DCC: variants seen among roughly 807,000 people sequenced by gnomAD.
DCC encodes the protein netrin receptor DCC.
DCC carries 58 observed loss-of-function variants against 172.5 expected under a neutral mutation model. The observed-to-expected ratio is 0.34, with a 90% confidence interval of 0.27 to 0.42. DCC has a LOEUF of 0.42. Ranked by LOEUF, DCC falls within the 10% of genes least tolerant of loss-of-function variation. DCC has a pLI of 1.00. For missense variants in DCC, 1,740 were observed against 1,791.0 expected, an observed-to-expected ratio of 0.97 and a Z score of 0.51; for synonymous variants, 709 against 644.5, an observed-to-expected ratio of 1.10 and a Z score of -1.52.
chr18:53,072,314 C>A (rs912774417), intron 7 of DCC, among the ~76,000 whole-genome samples: 3 of 151,898 alleles, frequency 2.0e-5, no homozygotes, highest in Admixed American at 1.3e-4. Context: ...AATTAAGGAC[C>A]CTGTTTGGTA....
chr18:52,354,083 G>A (rs1984251740), intron 1 of DCC, among the ~76,000 whole-genome samples: 1 of 152,204 alleles, frequency 6.6e-6, no homozygotes, highest in Non-Finnish European at 1.5e-5. Context: ...GCAAGAAATA[G>A]GAGAAAGAGA....
At chr18:53,240,026 T>TAAAAAAAAAAAAAAAACAAAAAAA (rs2056265695) in intron 12 of DCC, among the ~76,000 whole-genome samples, 1 of 69,072 alleles carries the variant, frequency 1.4e-5, no homozygotes, top group African/African-American at 4.7e-5. Context: ...GTTCTAGAGT[T>TAAAAAAAAAAAAAAAACAAAAAAA]AAAAAAAAAA....
chr18:53,121,285 T>A (rs1451630878), intron 7 of DCC, among the ~76,000 whole-genome samples: 1 of 151,902 alleles, frequency 6.6e-6, no homozygotes, highest in East Asian at 1.9e-4. Context: ...TTGTAACCAC[T>A]CTGAAATACA....
At chr18:52,677,492 T>C (rs147548390) in intron 1 of DCC, among the ~76,000 whole-genome samples, 2 of 152,038 alleles carry the variant, frequency 1.3e-5, no homozygotes, top group East Asian at 3.9e-4. Context: ...TTTTTATATA[T>C]ATTTTTTATT....
At chr18:53,074,974 G>A (rs1345771228) in intron 7 of DCC, among the ~76,000 whole-genome samples, 1 of 152,182 alleles carries the variant, frequency 6.6e-6, no homozygotes, top group East Asian at 1.9e-4. Flanking sequence ...TTTGTGGGCT[G>A]TAAATTGCCA....
chr18:53,152,580 A>G (rs1315330515), intron 7 of DCC, among the ~76,000 whole-genome samples: 1 of 91,526 alleles, frequency 1.1e-5, no homozygotes, highest in Non-Finnish European at 2.1e-5. Context: ...GATGTTCTTA[A>G]AAGAAAAAAA....
chr18:53,300,994 T>TTCTTTCTTTCTTTCTTTCTTTCTTTTC lies in DCC; in HGVS notation c.1912-4583_1912-4582insCTTTCTTTCTTTCTTTCTTTCTTTTCT. The stretch of plus-strand genomic sequence containing the variant: ...CTTTCTTTCTTTCTTTCTTTCTTTT[T>TTCTTTCTTTCTTTCTTTCTTTCTTTTC]TTTTCTTTTCTTTCTTTTCACTCTT... On this transcript the variant is annotated intron_variant, in intron 12 of 28. Coordinates refer to ENST00000442544, the MANE Select transcript of DCC (RefSeq NM_005215.4). Among the ~76,000 whole-genome samples the TTCTTTCTTTCTTTCTTTCTTTCTTTTC allele has an allele frequency of 7.3e-3, 982 of 134,650 alleles. 69 individuals carry two copies. Among genetic ancestry groups the TTCTTTCTTTCTTTCTTTCTTTCTTTTC allele is most frequent in the African/African-American group, 0.027 (926 of 34,824 alleles). 88.3% of individuals were successfully genotyped at this position (134,650 alleles called of 152,430 possible). A position where few individuals can be genotyped will look rare whatever the true frequency, so the allele number is the denominator to read the frequency against.
intron 1 of DCC, among the ~76,000 whole-genome samples, chr18:52,728,088 G>A (rs533682586): frequency 5.3e-5 from 8 of 152,008 alleles, no homozygotes; most frequent in Non-Finnish European, 1.2e-4. Flanking sequence ...TTGTTTTCAG[G>A]GTGTTGGTGT....
chr18:53,470,032 C>A (rs1313540477), intron 25 of DCC, among the ~76,000 whole-genome samples: 1 of 152,094 alleles, frequency 6.6e-6, no homozygotes, highest in Non-Finnish European at 1.5e-5. Context: ...CTGGCTGCTC[C>A]TCCTCAGTAT....
intron 1 of DCC, among the ~76,000 whole-genome samples, chr18:52,342,671 A>G (rs940264492): frequency 2.6e-5 from 4 of 152,172 alleles, no homozygotes; most frequent in Admixed American, 6.5e-5. Flanking sequence ...AGTCTGCCTA[A>G]CAGCAGCACT....
At chr18:52,984,997 T>C (rs144038737) in intron 5 of DCC, among the ~76,000 whole-genome samples, 2,126 of 152,274 alleles carry the variant, frequency 0.014, 57 homozygotes, top group African/African-American at 0.049. Context: ...TATTTCTTAA[T>C]CACTTAATCA....
At chr18:52,821,793 C>T (rs1425916880) in intron 2 of DCC, among the ~76,000 whole-genome samples, 1 of 152,204 alleles carries the variant, frequency 6.6e-6, no homozygotes, top group Non-Finnish European at 1.5e-5. Flanking sequence ...GTTTTGTATA[C>T]TCCTTGGTCT....
At chr18:52,532,953 AC>A (rs1437899824) in intron 1 of DCC, among the ~76,000 whole-genome samples, 1 of 151,712 alleles carries the variant, frequency 6.6e-6, no homozygotes, top group Admixed American at 6.6e-5. Context: ...CATTCCCACC[AC>A]CTCTCACCAC....
At chr18:53,478,964 C>T (rs2045800457) in intron 25 of DCC, among the ~76,000 whole-genome samples, 1 of 152,182 alleles carries the variant, frequency 6.6e-6, no homozygotes, top group Admixed American at 6.5e-5. Context: ...AACCAGCATC[C>T]TAAGATTGGT....
At chr18:53,230,783 A>G (rs960982705) in intron 12 of DCC, among the ~76,000 whole-genome samples, 1 of 152,040 alleles carries the variant, frequency 6.6e-6, no homozygotes, top group African/African-American at 2.4e-5. Flanking sequence ...GATTCAATTT[A>G]GAATACTAGA....
intron 12 of DCC, among the ~76,000 whole-genome samples, chr18:53,241,264 G>A (rs2144637785): frequency 6.6e-6 from 1 of 152,250 alleles, no homozygotes; most frequent in South Asian, 2.1e-4. Flanking sequence ...TCTGCTTCAG[G>A]TCAGAGTAGC....
intron 2 of DCC, among the ~76,000 whole-genome samples, chr18:52,794,513 A>G (rs1383010173): frequency 6.6e-6 from 1 of 151,976 alleles, no homozygotes; most frequent in African/African-American, 2.4e-5. Flanking sequence ...AAGTTTACTG[A>G]ATTTATCAGT....
At chr18:53,049,738 T>G (rs113657544) in intron 5 of DCC, among the ~76,000 whole-genome samples, 2,019 of 152,176 alleles carry the variant, frequency 0.013, 34 homozygotes, top group African/African-American at 0.045. Context: ...AAAATATGAT[T>G]AGTAGTTTGA....
At chr18:52,698,137 G>A (rs1046090465) in intron 1 of DCC, among the ~76,000 whole-genome samples, 1 of 152,116 alleles carries the variant, frequency 6.6e-6, no homozygotes, top group African/African-American at 2.4e-5. Context: ...AATCTTTTAA[G>A]AAGTAATAAA....
Sources: allele counts gnomAD v4.1 joint callset (sites outside exome capture counted in the v4.1 genomes callset), GRCh38; gene constraint gnomAD v4.1.1; transcripts MANE v1.5; gene names NCBI Gene and HGNC (gene_info 2026-07-23, HGNC 2026-07-21).